The following MTMR8 variants were observed in gnomAD, a reference collection of about 807,000 sequenced individuals.
MTMR8 encodes myotubularin related protein 8.
Under a neutral mutation model 39.3 loss-of-function variants are expected in MTMR8, and 65 were observed. The ratio of observed to expected loss-of-function variants is 1.65; its 90% CI spans 1.35 to 2.03. MTMR8 has a LOEUF of 2.03. MTMR8 is among the 30% of genes most tolerant of loss of function. The pLI, the probability that MTMR8 is intolerant of heterozygous loss-of-function variation, is 0.00. For missense variants in MTMR8, 777 were observed against 538.9 expected, an observed-to-expected ratio of 1.44 and a Z score of -4.37; for synonymous variants, 245 against 185.2, an observed-to-expected ratio of 1.32 and a Z score of -2.62.
chrX:64,283,626 C>A (rs1184280580), intron 12 of MTMR8, among the ~76,000 whole-genome samples: 4 of 112,152 alleles, frequency 3.6e-5, no homozygotes, highest in Non-Finnish European at 7.5e-5. Flanking sequence ...TGAGATGAAA[C>A]CTCCAGAGGA....
At chrX:64,312,165 C>T (rs1056742547) in intron 12 of MTMR8, among the ~76,000 whole-genome samples, 1 of 111,327 alleles carries the variant, frequency 9.0e-6, no homozygotes, top group African/African-American at 3.3e-5. Flanking sequence ...TTGTTTGTTC[C>T]TCTTTTATTT....
intron 4 of MTMR8, among the ~76,000 whole-genome samples, chrX:64,350,921 C>A (rs979937239): frequency 5.4e-5 from 6 of 111,359 alleles, no homozygotes; most frequent in African/African-American, 2.0e-4. Context: ...AAACATTTAA[C>A]AACAGATGAA....
At position 64,354,894 on chromosome X, in the gene MTMR8, T is replaced by A; in HGVS notation, c.351A>T (p.Lys117Asn). The A allele has an allele frequency of 8.3e-7, 1 of 1,202,620 alleles. No homozygotes were observed. ...CACTTTCCCTCATCTCTTTTGAGGA[T>A]TTGGGATTATAAGAAAAAGCATAAA... The part of the protein sequence containing the change: ...EDLYAFSYNP[K>N]SSKEMRESGW... Residue 117 changes from lysine (K) to asparagine (N), a missense_variant, in exon 4 of 14, where the codon AAA becomes AAT. Lys to Asn is a moderately conservative substitution (Grantham distance 94, BLOSUM62 0). Transcript: ENST00000374852.
At chrX:64,332,186 C>A (rs1349101859) in intron 10 of MTMR8, among the ~76,000 whole-genome samples, 2 of 111,693 alleles carry the variant, frequency 1.8e-5, no homozygotes, top group African/African-American at 6.5e-5. Flanking sequence ...GAGCAACGAC[C>A]ACATCTATAT....
chrX:64,288,762 G>A (rs967246437), intron 12 of MTMR8, among the ~76,000 whole-genome samples: 17 of 110,440 alleles, frequency 1.5e-4, no homozygotes, highest in Admixed American at 4.9e-4. Flanking sequence ...GCAAACTATC[G>A]CAAGGACAAA....
At chrX:64,335,191 G>T (rs913392571) in intron 10 of MTMR8, among the ~76,000 whole-genome samples, 3 of 110,023 alleles carry the variant, frequency 2.7e-5, no homozygotes, top group African/African-American at 9.9e-5. Flanking sequence ...GAGTGCAATG[G>T]CATGGCCTCA....
intron 1 of MTMR8, among the ~76,000 whole-genome samples, chrX:64,370,693 T>C (rs1924106671): frequency 8.9e-6 from 1 of 111,999 alleles, no homozygotes; most frequent in South Asian, 3.7e-4. Flanking sequence ...GTGGGAGCAA[T>C]AGGCTATATA....
intron 12 of MTMR8, among the ~76,000 whole-genome samples, chrX:64,292,050 A>C (rs1164271273): frequency 2.7e-5 from 3 of 111,743 alleles, no homozygotes; most frequent in Non-Finnish European, 5.7e-5. Flanking sequence ...ATAGTAGGAG[A>C]GTTCCCCATG....
chrX:64,287,232 A>T (rs1385791754), intron 12 of MTMR8, among the ~76,000 whole-genome samples: 1 of 111,403 alleles, frequency 9.0e-6, no homozygotes, highest in Non-Finnish European at 1.9e-5. Context: ...AAAGAGAATA[A>T]AATACCTAGG....
intron 12 of MTMR8, among the ~76,000 whole-genome samples, chrX:64,321,858 T>C (rs1050289654): frequency 5.4e-5 from 6 of 111,990 alleles, no homozygotes; most frequent in Non-Finnish European, 1.1e-4. Context: ...GTTAAGTTTT[T>C]ATCATGAAGA....
At chrX:64,346,185 C>T (rs767934489) in intron 6 of MTMR8, among the ~76,000 whole-genome samples, 1 of 111,247 alleles carries the variant, frequency 9.0e-6, no homozygotes, top group South Asian at 3.8e-4. Context: ...AAGTGATTTT[C>T]TGTTTTCTGG....
intron 1 of MTMR8, among the ~76,000 whole-genome samples, chrX:64,383,707 A>C (rs1458643196): frequency 9.0e-6 from 1 of 110,528 alleles, no homozygotes; most frequent in Non-Finnish European, 1.9e-5. Flanking sequence ...CACTAGAAGG[A>C]TGGTACTAAA....
intron 12 of MTMR8, among the ~76,000 whole-genome samples, chrX:64,287,999 C>CAAAAA (rs869176366): frequency 7.2e-4 from 6 of 8,289 alleles, no homozygotes; most frequent in African/African-American, 9.3e-4. Context: ...TGCTACACAG[C>CAAAAA]AAAAAAAAAA....
intron 12 of MTMR8, among the ~76,000 whole-genome samples, chrX:64,318,229 G>C: frequency 8.9e-6 from 1 of 112,423 alleles, no homozygotes; most frequent in East Asian, 2.8e-4. Flanking sequence ...ACACCACCCT[G>C]GCAGGGGGCC....
chrX:64,316,607 C>CA (rs1922472452), intron 12 of MTMR8, among the ~76,000 whole-genome samples: 1 of 110,982 alleles, frequency 9.0e-6, no homozygotes, highest in Non-Finnish European at 1.9e-5. Flanking sequence ...ATGATTGCAC[C>CA]AATGCACACC....
At chrX:64,348,200 C>A (rs1923391462) in intron 6 of MTMR8, among the ~76,000 whole-genome samples, 2 of 110,584 alleles carry the variant, frequency 1.8e-5, no homozygotes, top group South Asian at 7.7e-4. Context: ...AATTTGTGAA[C>A]CCTGGTGCTT....
chrX:64,271,001 C>A lies in MTMR8; in HGVS notation c.1554G>T (p.Leu518=). The change falls in exon 13 of 14, where the codon CTG becomes CTT. Residue 518 remains leucine (L), a synonymous_variant. Transcript: ENST00000374852. ...GCATTGCTCTCTGTTTCTTAATTTC[C>A]AGGAGGCTCTCTAGCATACTCTGCT... ...QPKQSMLESL[L]EIKKQRAMLE... is the part of the protein sequence containing the mutation. The A allele has an allele frequency of 3.3e-6, 4 of 1,210,000 alleles. No homozygotes were observed. Among genetic ancestry groups the A allele is most frequent in the Non-Finnish European group, 4.5e-6 (4 of 894,702 alleles).
At chrX:64,355,125 G>GA (rs1413299904) in intron 3 of MTMR8, among the ~76,000 whole-genome samples, 191 bp from the exon 4 acceptor site, 1 of 111,594 alleles carries the variant, frequency 9.0e-6, no homozygotes, top group African/African-American at 3.3e-5. Flanking sequence ...TGGGTTCTTT[G>GA]AAAAAATGTT....
At chrX:64,383,490 G>C (rs1412238899) in intron 1 of MTMR8, among the ~76,000 whole-genome samples, 1 of 108,656 alleles carries the variant, frequency 9.2e-6, no homozygotes, top group Non-Finnish European at 1.9e-5. Flanking sequence ...TATATAATTT[G>C]GTTCATGGTT....
Sources: gnomAD v4.1 joint callset for allele counts (sites outside exome capture counted in the v4.1 genomes callset) on GRCh38, gnomAD v4.1.1 for gene constraint, MANE v1.5 for transcripts, NCBI Gene and HGNC (gene_info 2026-07-23, HGNC 2026-07-21) for gene names.